Variants in BBS9 observed in about 807,000 individuals in gnomAD.
BBS9 encodes the protein protein PTHB1.
Under a neutral mutation model 117.7 loss-of-function variants are expected in BBS9, and 89 were observed. That is an observed-to-expected ratio of 0.76 (90% CI 0.64 to 0.90). The LOEUF (loss-of-function observed/expected upper bound fraction) is 0.90, where lower values mean the gene tolerates loss of function less well. Among genes scored for constraint, BBS9 ranks in the 40% least tolerant of loss-of-function variants. The pLI, the probability that BBS9 is intolerant of heterozygous loss-of-function variation, is 0.00. For missense variants in BBS9, 982 were observed against 1,042.2 expected (o/e 0.94, Z 0.80); for synonymous variants, 379 against 370.9 (o/e 1.02, Z -0.25).
chr7:33,544,171 A>C (rs927441998), intron 21 of BBS9, among the ~76,000 whole-genome samples: 1 of 152,136 alleles, frequency 6.6e-6, no homozygotes, highest in African/African-American at 2.4e-5. Flanking sequence ...GATTAGCTTA[A>C]TAACTAACCT....
intron 20 of BBS9, among the ~76,000 whole-genome samples, chr7:33,517,242 C>T (rs181698205): frequency 6.6e-6 from 1 of 152,276 alleles, no homozygotes; most frequent in Non-Finnish European, 1.5e-5. Context: ...AAGGACTTTT[C>T]ATATGTTATT....
At chr7:33,625,216 G>A (rs1329428241) in intron 21 of BBS9, among the ~76,000 whole-genome samples, 2 of 152,044 alleles carry the variant, frequency 1.3e-5, no homozygotes, top group African/African-American at 4.8e-5. Flanking sequence ...CTAGAAATAT[G>A]ACAGGAAGAA....
At chr7:33,517,173 C>T (rs114013352) in intron 20 of BBS9, among the ~76,000 whole-genome samples, 1 of 152,150 alleles carries the variant, frequency 6.6e-6, no homozygotes, top group Non-Finnish European at 1.5e-5. Flanking sequence ...ATAAGATATG[C>T]CAAAGGAATA....
At chr7:33,203,620 A>G (rs1053825258) in intron 5 of BBS9, among the ~76,000 whole-genome samples, 3 of 152,222 alleles carry the variant, frequency 2.0e-5, no homozygotes, top group African/African-American at 7.2e-5. Flanking sequence ...GGAGTTCAGC[A>G]GACTATGGTA....
intron 19 of BBS9, among the ~76,000 whole-genome samples, chr7:33,455,394 T>A (rs1838494352): frequency 6.6e-6 from 1 of 152,140 alleles, no homozygotes; most frequent in Admixed American, 6.5e-5. Context: ...TTAGGGAAAA[T>A]TTTCCAGGTA....
rs532678375 is a variant in BBS9, at chr7:33,588,737, C to A, written c.2522-16128C>A. Among the ~76,000 whole-genome samples the A allele has an allele frequency of 4.4e-4, 67 of 152,184 alleles. 1 individual carries two copies. The highest frequency in any genetic ancestry group is 1.6e-3 in the African/African-American group (66 of 41,548). On this transcript the variant is annotated intron_variant, in intron 21 of 22. Transcript: ENST00000242067. ...GTCAGGATAGGCTTTGTTCACAAGA[C>A]AATTTTTGAAGAAAGACTTGAAGAA...
rs77945862 is a variant in BBS9 at position 33,620,619 on chromosome 7, C to G, written c.2522-14558C>G. ...AAACACAAATGAAAAAATATCCTGT[C>G]TTTTTGAATCAGGAGAATTAATATT... On this transcript the variant is annotated intron_variant, in intron 21 of 21. Transcript: ENST00000671952. Among the ~76,000 whole-genome samples, 1,284 of 152,046 alleles carry G rather than the reference C, an allele frequency of 8.4e-3. 23 individuals are homozygous for G. Among genetic ancestry groups the G allele is most frequent in the East Asian group, 0.083 (431 of 5,178 alleles).
At chr7:33,536,681 T>TCCCCC (rs1563323298) in intron 21 of BBS9, among the ~76,000 whole-genome samples, 16 of 44,194 alleles carry the variant, frequency 3.6e-4, no homozygotes, top group Admixed American at 8.8e-4. Context: ...GATTCGGCCT[T>TCCCCC]CCCCCCGCCC....
intron 19 of BBS9, among the ~76,000 whole-genome samples, chr7:33,406,882 TCAA>T (rs1344798048): frequency 6.6e-6 from 1 of 152,226 alleles, no homozygotes; most frequent in African/African-American, 2.4e-5. Context: ...TTCCTTCGTT[TCAA>T]CTTTGGTGAA....
intron 6 of BBS9, among the ~76,000 whole-genome samples, chr7:33,262,276 A>T (rs1415264340): frequency 6.6e-6 from 1 of 152,172 alleles, no homozygotes; most frequent in Non-Finnish European, 1.5e-5. Context: ...TAGATAAAAT[A>T]ATGACCATAG....
intron 20 of BBS9, among the ~76,000 whole-genome samples, chr7:33,515,119 G>GA (rs376586661): frequency 1.3e-4 from 20 of 150,110 alleles, no homozygotes; most frequent in Middle Eastern, 3.2e-3. Context: ...GACGAATCAG[G>GA]AAAAAAAAAC....
chr7:33,573,035 C>A (rs972136084), intron 21 of BBS9, among the ~76,000 whole-genome samples: 1 of 151,970 alleles, frequency 6.6e-6, no homozygotes, highest in African/African-American at 2.4e-5. Context: ...CTGTTCTTCC[C>A]TTTCCCTCTT....
intron 19 of BBS9, among the ~76,000 whole-genome samples, chr7:33,438,010 CG>C (rs1835573893): frequency 6.6e-6 from 1 of 152,120 alleles, no homozygotes; most frequent in Non-Finnish European, 1.5e-5. Context: ...GGCTCTCTTT[CG>C]TAATTCTAAC....
chr7:33,497,713 A>G (rs1247734444), intron 19 of BBS9, among the ~76,000 whole-genome samples: 4 of 152,146 alleles, frequency 2.6e-5, no homozygotes, highest in Admixed American at 2.6e-4. Context: ...GGGAAATCCA[A>G]CGTTGAGTAA....
intron 11 of BBS9, among the ~76,000 whole-genome samples, chr7:33,342,927 T>G (rs1036682033): frequency 6.6e-6 from 1 of 152,224 alleles, no homozygotes; most frequent in Non-Finnish European, 1.5e-5. Flanking sequence ...GAATCATTAT[T>G]ATGAAAGCAC....
At chr7:33,607,104 T>G (rs1864615936), downstream of BBS9, among the ~76,000 whole-genome samples, 1 of 152,150 alleles carries the variant, frequency 6.6e-6, no homozygotes, top group Non-Finnish European at 1.5e-5. Context: ...TTTCCTTTCC[T>G]GGTAGGATAG....
intron 5 of BBS9, among the ~76,000 whole-genome samples, chr7:33,190,580 CTCTT>C (rs765855140): frequency 4.6e-5 from 7 of 152,184 alleles, no homozygotes; most frequent in African/African-American, 7.2e-5. Context: ...TCTGGTTTCT[CTCTT>C]TTCATCTCTT....
At chr7:33,316,039 A>G (rs1483324589) in intron 9 of BBS9, among the ~76,000 whole-genome samples, 2 of 152,186 alleles carry the variant, frequency 1.3e-5, no homozygotes, top group Non-Finnish European at 2.9e-5. Flanking sequence ...TATCTGTCTC[A>G]TCCACACGTC....
chr7:33,187,385 T>A (rs1783297174), intron 5 of BBS9, among the ~76,000 whole-genome samples: 1 of 152,214 alleles, frequency 6.6e-6, no homozygotes, highest in Admixed American at 6.5e-5. Context: ...GAAAAGATGA[T>A]GAACCTTATA....
Sources: allele counts gnomAD v4.1 joint callset (sites outside exome capture counted in the v4.1 genomes callset), GRCh38; gene constraint gnomAD v4.1.1; transcripts MANE v1.5; gene names NCBI Gene and HGNC (gene_info 2026-07-23, HGNC 2026-07-21).